Variants in ESR1 observed in about 807,000 individuals in gnomAD.
ESR1 encodes the protein estrogen receptor.
Under a neutral mutation model 52.7 loss-of-function variants are expected in ESR1, and 12 were observed. The ratio of observed to expected loss-of-function variants is 0.23; its 90% CI spans 0.15 to 0.37. The LOEUF is 0.37. Ranked by LOEUF, ESR1 falls within the 10% of genes least tolerant of loss-of-function variation. ESR1 has a pLI of 1.00. For synonymous variants in ESR1, 305 were observed against 316.8 expected, an observed-to-expected ratio of 0.96 and a Z score of 0.39; for missense variants, 584 against 779.7, an observed-to-expected ratio of 0.75 and a Z score of 2.99.
chr6:152,117,005 G>A (rs2051218367), intron 6 of ESR1, among the ~76,000 whole-genome samples: 1 of 152,178 alleles, frequency 6.6e-6, no homozygotes, highest in Non-Finnish European at 1.5e-5. Context: ...CAAAGATGGA[G>A]AAATCCAGTG....
intron 3 of ESR1, among the ~76,000 whole-genome samples, chr6:151,884,052 G>C (rs1168155403): frequency 6.6e-6 from 1 of 152,062 alleles, no homozygotes; most frequent in Non-Finnish European, 1.5e-5. Flanking sequence ...TATCCCATAG[G>C]GGTTACTCAG....
At chr6:151,678,953 G>A (rs939630824) in intron 1 of ESR1, among the ~76,000 whole-genome samples, 2 of 152,058 alleles carry the variant, frequency 1.3e-5, no homozygotes, top group African/African-American at 4.8e-5. Flanking sequence ...CCAAAGTGCT[G>A]GAATTACAGG....
At chr6:151,900,289 TTG>T (rs753512973) in intron 3 of ESR1, among the ~76,000 whole-genome samples, 75 of 152,324 alleles carry the variant, frequency 4.9e-4, no homozygotes, top group Middle Eastern at 3.4e-3. Flanking sequence ...TTTCCTGAAG[TTG>T]TGATTGTTTT....
intron 6 of ESR1, among the ~76,000 whole-genome samples, chr6:152,068,759 T>A (rs1377449932): frequency 6.6e-6 from 1 of 152,172 alleles, no homozygotes; most frequent in African/African-American, 2.4e-5. Flanking sequence ...ACAATTGAAT[T>A]TCCACTAAAA....
In ESR1 at chr6:152,061,189, T is replaced by TA; in HGVS notation, c.1369+66dup. On this transcript the variant is annotated intron_variant, in intron 6 of 7. Transcript: ENST00000206249. The surrounding 1 kb of genome is among the most constrained non-coding windows in gnomAD (Gnocchi z 4.3). ...TGTTTATTTGTAGTTTTCAACCAGA[T>TA]ACGATCTACCCACTCCAAAGGCATA... 1 of 1,505,458 alleles carries TA rather than the reference T, an allele frequency of 6.6e-7. No individual in the cohort carries two copies. The highest frequency in any genetic ancestry group is 9.2e-7 in the Non-Finnish European group (1 of 1,083,038). 93.3% of individuals were successfully genotyped at this position (1,505,458 alleles called of 1,614,324 possible). A position where few individuals can be genotyped will look rare whatever the true frequency, so the allele number is the denominator to read the frequency against.
At chr6:151,770,027 C>CA (rs1166242383) in intron 2 of ESR1, among the ~76,000 whole-genome samples, 8,843 of 98,416 alleles carry the variant, frequency 0.09, 559 homozygotes, top group East Asian at 0.34. Context: ...GACTCCATCT[C>CA]AAAAAAAAAA....
intron 1 of ESR1, among the ~76,000 whole-genome samples, chr6:151,693,991 T>G (rs1030119980): frequency 1.4e-4 from 21 of 152,196 alleles, no homozygotes; most frequent in African/African-American, 5.1e-4. Flanking sequence ...CCATAACATA[T>G]GTCCACGAGG....
intron 6 of ESR1, among the ~76,000 whole-genome samples, chr6:152,108,612 A>G (rs2051095317): frequency 6.6e-6 from 1 of 152,158 alleles, no homozygotes; most frequent in African/African-American, 2.4e-5. Flanking sequence ...AGACTTGTCT[A>G]CATATGCCAT....
At chr6:151,783,296 C>A (rs992268088) in intron 2 of ESR1, among the ~76,000 whole-genome samples, 1 of 152,230 alleles carries the variant, frequency 6.6e-6, no homozygotes, top group African/African-American at 2.4e-5. Context: ...ATCTCTTCTT[C>A]TCCTGGGGAG....
chr6:151,768,399 G>A (rs1219347674), intron 2 of ESR1, among the ~76,000 whole-genome samples: 4 of 152,172 alleles, frequency 2.6e-5, no homozygotes, highest in Admixed American at 2.6e-4. Context: ...AAATTGTCAA[G>A]GTCATGAACA....
intron 1 of ESR1, among the ~76,000 whole-genome samples, chr6:151,817,870 G>A (rs1357987928): frequency 6.6e-6 from 1 of 152,098 alleles, no homozygotes. Flanking sequence ...GCTGTTAGTG[G>A]TACACATAAC....
At chr6:151,934,340 T>C (rs1450569313) in intron 3 of ESR1, among the ~76,000 whole-genome samples, 2 of 152,238 alleles carry the variant, frequency 1.3e-5, no homozygotes, top group Non-Finnish European at 2.9e-5. Context: ...ATTTGTTTAT[T>C]GTCTAACTTC....
At chr6:152,011,286 C>A (rs753095845) in intron 4 of ESR1, among the ~76,000 whole-genome samples, 3 of 152,076 alleles carry the variant, frequency 2.0e-5, no homozygotes, top group Non-Finnish European at 2.9e-5. Context: ...TTTCTTAGCA[C>A]CTTAGCATCT....
chr6:152,041,096 A>C (rs1479017470), intron 5 of ESR1, among the ~76,000 whole-genome samples: 1 of 152,220 alleles, frequency 6.6e-6, no homozygotes, highest in African/African-American at 2.4e-5. Context: ...TAACAGGCCA[A>C]GAGTTGTCTC....
intron 2 of ESR1, among the ~76,000 whole-genome samples, chr6:151,735,017 AT>A (rs1332421127): frequency 6.6e-6 from 1 of 152,214 alleles, no homozygotes; most frequent in East Asian, 1.9e-4. Context: ...AGTCATTTTG[AT>A]TTTATTAAAA....
intron 2 of ESR1, among the ~76,000 whole-genome samples, chr6:151,727,084 A>C (rs1781903095): frequency 6.6e-6 from 1 of 152,240 alleles, no homozygotes. Context: ...TAAGAAATTA[A>C]TATGCTGCTA....
intron 4 of ESR1, among the ~76,000 whole-genome samples, chr6:152,010,073 A>G (rs975477985): frequency 2.0e-5 from 3 of 152,146 alleles, no homozygotes; most frequent in Admixed American, 6.6e-5. Context: ...GATAGAATTG[A>G]TGAGCTTTGA....
chr6:151,898,607 G>A (rs935165276), intron 3 of ESR1, among the ~76,000 whole-genome samples: 22 of 151,830 alleles, frequency 1.4e-4, no homozygotes, highest in Admixed American at 8.5e-4. Context: ...GACTCTTAAC[G>A]AGCATGCTGC....
intron 3 of ESR1, among the ~76,000 whole-genome samples, chr6:151,925,564 A>G (rs541126384): frequency 2.4e-4 from 37 of 152,294 alleles, no homozygotes; most frequent in African/African-American, 8.7e-4. Flanking sequence ...CTGAGACTGA[A>G]CCATTGCACT....
Sources: allele counts gnomAD v4.1 joint callset (sites outside exome capture counted in the v4.1 genomes callset), GRCh38; gene constraint gnomAD v4.1.1; non-coding constraint Gnocchi (gnomAD v3.1); transcripts MANE v1.5; gene names NCBI Gene and HGNC (gene_info 2026-07-23, HGNC 2026-07-21).